The following TAT variants were observed in gnomAD, a reference collection of about 807,000 sequenced individuals.
TAT encodes the protein L-tyrosine:2-oxoglutarate aminotransferase.
Under a neutral mutation model 53.6 loss-of-function variants are expected in TAT, and 35 were observed. The observed-to-expected ratio is 0.65, with a 90% CI of 0.50 to 0.87. The LOEUF is 0.87. Ranked by LOEUF, TAT falls within the 40% of genes least tolerant of loss-of-function variation. The probability of loss-of-function intolerance (pLI) is 0.00; values close to 1 mark genes in which losing one functional copy is unlikely to be tolerated. For synonymous variants in TAT, 197 were observed against 206.5 expected (o/e 0.95, Z 0.39); for missense variants, 525 against 571.8 (o/e 0.92, Z 0.83).
chr16:71,574,069 G>GCATT (rs2145234251), intron 3 of TAT, among the ~76,000 whole-genome samples: 1 of 152,290 alleles, frequency 6.6e-6, no homozygotes, highest in Non-Finnish European at 1.5e-5. Flanking sequence ...TGCTCAGAGG[G>GCATT]CATTCTATTT....
intron 4 of TAT, among the ~76,000 whole-genome samples, chr16:71,572,948 G>C (rs1040867561): frequency 3.9e-5 from 6 of 152,206 alleles, no homozygotes; most frequent in Non-Finnish European, 5.9e-5. Context: ...GCTGGCCTTG[G>C]ACCTTTTTCG....
intron 1 of TAT, 70 bp from the exon 2 acceptor site, chr16:71,576,497 A>G (rs921758773): frequency 7.5e-7 from 1 of 1,325,528 alleles, no homozygotes; most frequent in African/African-American, 1.4e-5. Context: ...CTACATTTGG[A>G]CCTAAACATT....
At chr16:71,574,400 G>A (rs1428586546) in intron 3 of TAT, among the ~76,000 whole-genome samples, 1 of 151,936 alleles carries the variant, frequency 6.6e-6, no homozygotes, top group Non-Finnish European at 1.5e-5. Context: ...GACCAACATG[G>A]AGAAATCTCA....
intron 3 of TAT, 151 bp downstream of exon 3, chr16:71,575,771 C>T (rs2044230740): frequency 3.5e-6 from 3 of 857,810 alleles, no homozygotes; most frequent in African/African-American, 1.7e-5. Flanking sequence ...TCCCGAGACC[C>T]GGTTCCCAAA....
chr16:71,576,382 C>G lies in TAT; in HGVS notation c.34G>C (p.Gly12Arg), dbSNP rs749387522. The G allele has an allele frequency of 1.2e-6, 2 of 1,614,174 alleles. No individual in the cohort carries two copies. The highest frequency in any genetic ancestry group is 1.7e-6 in the Non-Finnish European group (2 of 1,180,040). Residue 12 changes from glycine to arginine, a missense_variant, in exon 2 of 12, where the codon GGC (glycine) becomes CGC (arginine). Transcript: ENST00000355962. ...DPYMIQMSSK[G>R]NLPSILDVHV... ...ACGTCCAGAATTGAGGGGAGGTTGC[C>G]TTTGCTGCTCATCTGAATCATGTAT...
chr16:71,569,337 CT>C (rs111800199), intron 10 of TAT, among the ~76,000 whole-genome samples: 7,037 of 147,646 alleles, frequency 0.048, 519 homozygotes, highest in African/African-American at 0.16. Context: ...AAAATTAAAT[CT>C]TTTTTTTTTT....
chr16:71,575,773 G>A, intron 3 of TAT, 149 bp downstream of exon 3: 1 of 877,740 alleles, frequency 1.1e-6, no homozygotes, highest in East Asian at 2.5e-5. Flanking sequence ...CCGAGACCCG[G>A]TTCCCAAATC....
chr16:71,574,148 A>T (rs1389980455), intron 3 of TAT, among the ~76,000 whole-genome samples: 1 of 152,222 alleles, frequency 6.6e-6, no homozygotes, highest in Non-Finnish European at 1.5e-5. Flanking sequence ...ATTTTAGTAT[A>T]AGCACGAATG....
At chr16:71,571,775 A>G (rs1250056251) in intron 6 of TAT, 117 bp from the exon 7 acceptor site, 17 of 1,054,678 alleles carry the variant, frequency 1.6e-5, no homozygotes, top group Non-Finnish European at 2.3e-5. Context: ...ATTCTTAAAG[A>G]GAAAGACAAA....
chr16:71,576,556 TTC>T (rs1491022493), intron 1 of TAT, 129 bp from the exon 2 acceptor site: 3 of 811,782 alleles, frequency 3.7e-6, no homozygotes, highest in African/African-American at 3.4e-5. Context: ...TTATTTTTTT[TTC>T]TACTTTCTGT....
intron 11 of TAT, 50 bp downstream of exon 11, chr16:71,568,661 C>T (rs2044180185): frequency 5.5e-6 from 8 of 1,464,250 alleles, no homozygotes; most frequent in Non-Finnish European, 6.7e-6. Flanking sequence ...GAACTTGCTT[C>T]TGGGGCTCTA....
Position 71,566,481 on chromosome 16 carries a change from A to C in TAT, c.*1663T>G, listed in dbSNP as rs1258728995. 8 of 151,938 alleles carry C rather than the reference A, an allele frequency of 5.3e-5. No homozygotes were observed. Among genetic ancestry groups the C allele is most frequent in the Non-Finnish European group, 5.9e-5 (4 of 68,000 alleles). 9.4% of individuals were successfully genotyped at this position (151,938 alleles called of 1,614,324 possible). ...TATGAAGATTTGCGAAAAAAAAAAAAAAAAAAAAACATCTAGGACACTTCT... is the reference window on the plus strand; with the variant it reads ...TATGAAGATTTGCGAAAAAAAAAAACAAAAAAAAACATCTAGGACACTTCT... On this transcript the variant is annotated 3_prime_UTR_variant, in exon 12 of 12. Coordinates refer to ENST00000355962, the MANE Select transcript of TAT (RefSeq NM_000353.3).
In TAT at chr16:71,573,546, T is replaced by C. The variant is rs1194073307; in HGVS notation, c.401A>G (p.Glu134Gly). ...GTCTTGTATAAGGCTCACCTTAGCTTCTAGGGGTGCCTCAGGACAGTGGTA... is the reference window on the plus strand; with the variant it reads ...GTCTTGTATAAGGCTCACCTTAGCTCCTAGGGGTGCCTCAGGACAGTGGTA... ...SYYHCPEAPL[E>G]AKDVILTSGC... The change falls in exon 4 of 12, where the codon GAA becomes GGA. Residue 134 changes from glutamate (E) to glycine (G), a missense_variant. Physicochemically the swap from Glu to Gly is moderately conservative, Grantham distance 98 (BLOSUM62 -2). Coordinates refer to ENST00000355962, the MANE Select transcript of TAT (RefSeq NM_000353.3). The C allele has an allele frequency of 3.9e-6, 6 of 1,553,814 alleles. No homozygotes were observed. In the African/African-American group the frequency reaches 8.2e-5, roughly 21 times the overall value.
Position 71,569,942 on chromosome 16 carries a change from A to G in TAT, c.1042-5T>C. The G allele has an allele frequency of 6.2e-7, 1 of 1,612,196 alleles. No individual in the cohort carries two copies. The highest frequency in any genetic ancestry group is 1.1e-5 in the South Asian group (1 of 90,570). On this transcript the variant is annotated splice_region_variant and splice_polypyrimidine_tract_variant and intron_variant, in intron 9 of 11. Transcript: ENST00000355962. ...ATAACAGAGATCAGCATTGGACTAC[A>G]AGAAGAGGCAAGGAGAAATCAAGGA...
At chr16:71,569,801 GC>G in intron 10 of TAT, 52 bp downstream of exon 10, 1 of 1,540,198 alleles carries the variant, frequency 6.5e-7, no homozygotes, top group Non-Finnish European at 8.9e-7. Flanking sequence ...CTGAATGACT[GC>G]CCTTTGCCTT....
Position 71,572,510 on chromosome 16 carries a change from A to G in TAT, c.567+20T>C. 1 of 1,614,156 alleles carries G rather than the reference A, an allele frequency of 6.2e-7. No individual in the cohort carries two copies. The highest frequency in any genetic ancestry group is 8.5e-7 in the Non-Finnish European group (1 of 1,179,966). ...GGTTAGTAACTGAGCATTTGAGTCTAAGATTAAAAAGTCATTTACCAACAA... is the reference window on the plus strand; with the variant it reads ...GGTTAGTAACTGAGCATTTGAGTCTGAGATTAAAAAGTCATTTACCAACAA... On this transcript the variant is annotated intron_variant, in intron 5 of 11. Coordinates refer to ENST00000355962, the MANE Select transcript of TAT (RefSeq NM_000353.3).
Position 71,567,892 on chromosome 16 carries a change from G to A in TAT, c.*252C>T, listed in dbSNP as rs886052269. ...CAAGAAAAAAAGAAGGAAATCTTAC[G>A]AGAGGGAGGCAGATTAATGAATTAG... On this transcript the variant is annotated 3_prime_UTR_variant, in exon 12 of 12. Transcript: ENST00000355962. 6 of 503,548 alleles carry A rather than the reference G, an allele frequency of 1.2e-5. No individual in the cohort carries two copies. The highest frequency in any genetic ancestry group is 3.9e-5 in the African/African-American group (2 of 51,758). The allele number at this position is 503,548 out of a possible 1,614,324, so 31.2% of individuals were successfully genotyped here.
rs749833224 is a variant in TAT at position 71,568,111 on chromosome 16, A to G, written c.*33T>C. The G allele has an allele frequency of 1.9e-6, 3 of 1,613,976 alleles. No homozygotes were observed. Among genetic ancestry groups the G allele is most frequent in the African/African-American group, 1.3e-5 (1 of 74,914 alleles). On this transcript the variant is annotated 3_prime_UTR_variant, in exon 12 of 12. Transcript: ENST00000355962. ...CAAGGCCTAGTCCAGCCTTCCCTAG[A>G]TGGGACACATCCTCAGGAGAATGGA...
Position 71,569,996 on chromosome 16 carries a change from TC to T in TAT, c.1042-60del, listed in dbSNP as rs1597053045. 2.0e-6 allele frequency: 3 copies of T among 1,524,350 alleles called. No homozygotes were observed. The East Asian group carries it at 7.2e-5, about 36-fold the overall frequency. The allele number at this position is 1,524,350 out of a possible 1,614,324, so 94.4% of individuals were successfully genotyped here. On this transcript the variant is annotated intron_variant, in intron 9 of 11. Transcript: ENST00000355962. The stretch of plus-strand genomic sequence containing the variant: ...AAATTTAAGTAAAAGAAAAGCCAAG[TC>T]ATTAAAAATAGCCCCCTCATTGAAG...
Sources: allele counts gnomAD v4.1 joint callset (sites outside exome capture counted in the v4.1 genomes callset), GRCh38; gene constraint gnomAD v4.1.1; transcripts MANE v1.5; gene names NCBI Gene and HGNC (gene_info 2026-07-23, HGNC 2026-07-21).